LRRC4C: variants seen among roughly 807,000 people sequenced by gnomAD.
The protein encoded by LRRC4C is leucine rich repeat containing 4C, also known as leucine-rich repeat-containing protein 4C.
In LRRC4C, 5 loss-of-function variants were observed where a neutral mutation model predicts 33.6. That is an observed-to-expected ratio of 0.15 (90% CI 0.08 to 0.31). The LOEUF (loss-of-function observed/expected upper bound fraction) is 0.31. Ranked by LOEUF, LRRC4C falls within the 10% of genes least tolerant of loss-of-function variation. The pLI is 1.00. For synonymous variants in LRRC4C, 329 were observed against 302.0 expected, an observed-to-expected ratio of 1.09 and a Z score of -0.93; for missense variants, 560 against 796.7, an observed-to-expected ratio of 0.70 and a Z score of 3.58.
At chr11:40,849,477 C>T (rs996866459) in intron 2 of LRRC4C, among the ~76,000 whole-genome samples, 27 of 152,208 alleles carry the variant, frequency 1.8e-4, no homozygotes, top group African/African-American at 6.3e-4. Context: ...CCCCCACTCT[C>T]TTCTGGCTTG....
chr11:40,186,063 A>G (rs774058968), intron 5 of LRRC4C, among the ~76,000 whole-genome samples: 1 of 152,088 alleles, frequency 6.6e-6, no homozygotes, highest in Non-Finnish European at 1.5e-5. Flanking sequence ...TTATTTGTTT[A>G]TAAGAGAGCT....
chr11:40,194,140 C>T (rs867732262), intron 5 of LRRC4C, among the ~76,000 whole-genome samples: 61 of 152,072 alleles, frequency 4.0e-4, no homozygotes, highest in African/African-American at 1.3e-3. Flanking sequence ...ATGGCAACCC[C>T]AAGGCACATA....
At chr11:40,171,253 GT>G (rs1260702198) in intron 5 of LRRC4C, among the ~76,000 whole-genome samples, 1 of 152,138 alleles carries the variant, frequency 6.6e-6, no homozygotes, top group Non-Finnish European at 1.5e-5. Context: ...TATTTCTACA[GT>G]CTTGATATTT....
At chr11:41,449,192 G>A (rs1955937303) in intron 1 of LRRC4C, among the ~76,000 whole-genome samples, 1 of 152,172 alleles carries the variant, frequency 6.6e-6, no homozygotes. Context: ...AGAGGCTAGA[G>A]CAAAGGATGT....
intron 1 of LRRC4C, among the ~76,000 whole-genome samples, chr11:41,130,547 A>T (rs1942963676): frequency 6.6e-6 from 1 of 152,022 alleles, no homozygotes; most frequent in Non-Finnish European, 1.5e-5. Flanking sequence ...CATTTACTGT[A>T]TTAAACCTCA....
intron 2 of LRRC4C, among the ~76,000 whole-genome samples, chr11:40,738,491 T>A (rs1390302782): frequency 6.6e-6 from 1 of 152,128 alleles, no homozygotes. Context: ...ATTCACTTTA[T>A]AGCCAAAGTT....
intron 1 of LRRC4C, among the ~76,000 whole-genome samples, chr11:41,377,811 C>T (rs1952994052): frequency 6.6e-6 from 1 of 152,164 alleles, no homozygotes; most frequent in Non-Finnish European, 1.5e-5. Flanking sequence ...TAATCTGATG[C>T]CACTCAGTCC....
chr11:40,510,793 G>C (rs1955276514), intron 3 of LRRC4C, among the ~76,000 whole-genome samples: 1 of 152,108 alleles, frequency 6.6e-6, no homozygotes, highest in Non-Finnish European at 1.5e-5. Context: ...TATATAGAGA[G>C]TCTAGAGAGA....
chr11:41,275,610 C>T (rs894699430), intron 1 of LRRC4C, among the ~76,000 whole-genome samples: 2 of 152,092 alleles, frequency 1.3e-5, no homozygotes, highest in South Asian at 2.1e-4. Flanking sequence ...ACAAAAATGG[C>T]CTTTGGCCCT....
intron 1 of LRRC4C, among the ~76,000 whole-genome samples, chr11:41,211,688 C>T (rs1590946564): frequency 6.6e-6 from 1 of 152,154 alleles, no homozygotes; most frequent in Non-Finnish European, 1.5e-5. Context: ...GCATAGTATT[C>T]CATGGTGTAT....
intron 4 of LRRC4C, among the ~76,000 whole-genome samples, chr11:40,307,787 C>T (rs1256449469): frequency 4.6e-5 from 7 of 152,032 alleles, no homozygotes; most frequent in Non-Finnish European, 7.4e-5. Context: ...AAAGAAATGA[C>T]TAAAAATGTT....
intron 3 of LRRC4C, among the ~76,000 whole-genome samples, chr11:40,645,771 T>A (rs1435763408): frequency 6.6e-6 from 1 of 152,078 alleles, no homozygotes; most frequent in Non-Finnish European, 1.5e-5. Context: ...GCTCCGTGGG[T>A]ACCCCAATCT....
intron 3 of LRRC4C, among the ~76,000 whole-genome samples, chr11:40,567,539 G>A (rs1957813939): frequency 6.6e-6 from 1 of 152,158 alleles, no homozygotes; most frequent in African/African-American, 2.4e-5. Context: ...TGGTCCAGAT[G>A]GGATTCAGGT....
rs1327003669 is a variant in LRRC4C, at chr11:40,499,378, G to A, written c.-270+148764C>T. On this transcript the variant is annotated intron_variant, in intron 3 of 6. Transcript: ENST00000528697. Reference sequence around the variant, plus strand: ...GCATCCTGCTCAGCAAGTATCATATGGAAACCATCACATTGCACACCTGGT... The same window carrying A: ...GCATCCTGCTCAGCAAGTATCATATAGAAACCATCACATTGCACACCTGGT... 2.6e-5 allele frequency among the ~76,000 whole-genome samples: 4 copies of A among 152,292 alleles called. No homozygotes were observed. In the East Asian group the frequency reaches 5.8e-4, roughly 22 times the overall value.
intron 3 of LRRC4C, among the ~76,000 whole-genome samples, chr11:40,596,013 C>T (rs901501408): frequency 2.6e-5 from 4 of 151,978 alleles, no homozygotes; most frequent in Non-Finnish European, 4.4e-5. Context: ...TCTGTCCTCG[C>T]GAAAGAGTGT....
chr11:41,091,242 A>G (rs1032551152), intron 1 of LRRC4C, among the ~76,000 whole-genome samples: 1 of 151,938 alleles, frequency 6.6e-6, no homozygotes, highest in Non-Finnish European at 1.5e-5. Context: ...GTTTAGTGAT[A>G]TGTTTCATTA....
intron 1 of LRRC4C, among the ~76,000 whole-genome samples, chr11:41,015,296 T>A (rs1329661531): frequency 6.6e-6 from 1 of 152,196 alleles, no homozygotes; most frequent in Non-Finnish European, 1.5e-5. Context: ...TTATACAGTC[T>A]GTAGGTATTT....
At chr11:40,945,766 T>A (rs1246629870) in intron 1 of LRRC4C, among the ~76,000 whole-genome samples, 2 of 152,204 alleles carry the variant, frequency 1.3e-5, no homozygotes, top group African/African-American at 4.8e-5. Flanking sequence ...GGCAGGAAGC[T>A]GTCCTTACTG....
At chr11:41,118,242 G>A (rs1942241442) in intron 1 of LRRC4C, among the ~76,000 whole-genome samples, 1 of 152,092 alleles carries the variant, frequency 6.6e-6, no homozygotes, top group Admixed American at 6.6e-5. Flanking sequence ...ATGCACATTC[G>A]CTGCATCCAG....
Sources: allele counts gnomAD v4.1 joint callset (sites outside exome capture counted in the v4.1 genomes callset), GRCh38; gene constraint gnomAD v4.1.1; transcripts MANE v1.5; gene names NCBI Gene and HGNC (gene_info 2026-07-23, HGNC 2026-07-21).